Variants in RIMS2 observed in about 807,000 individuals in gnomAD.
RIMS2 encodes regulating synaptic membrane exocytosis 2, also known as regulating synaptic membrane exocytosis protein 2.
RIMS2 carries 59 observed loss-of-function variants against 174.4 expected under a neutral mutation model. The observed-to-expected ratio is 0.34, with a 90% CI of 0.27 to 0.42. The LOEUF (loss-of-function observed/expected upper bound fraction) is 0.42. RIMS2 is among the 10% of genes least tolerant of loss of function. RIMS2 has a pLI of 1.00. For missense variants in RIMS2, 1,620 were observed against 1,666.3 expected, an observed-to-expected ratio of 0.97 and a Z score of 0.48; for synonymous variants, 606 against 572.5, an observed-to-expected ratio of 1.06 and a Z score of -0.84.
intron 19 of RIMS2, among the ~76,000 whole-genome samples, chr8:104,096,289 C>G (rs967514719): frequency 6.6e-6 from 1 of 152,194 alleles, no homozygotes; most frequent in African/African-American, 2.4e-5. Flanking sequence ...AGATCCCACG[C>G]TGCCATACCT....
chr8:103,617,783 G>A (rs543696162), intron 1 of RIMS2, among the ~76,000 whole-genome samples: 1 of 152,264 alleles, frequency 6.6e-6, no homozygotes, highest in Non-Finnish European at 1.5e-5. Context: ...TTAGAGAAAT[G>A]TAAATCAAAA....
intron 16 of RIMS2, among the ~76,000 whole-genome samples, chr8:103,983,462 A>G (rs1388893238): frequency 6.6e-6 from 1 of 152,196 alleles, no homozygotes; most frequent in Non-Finnish European, 1.5e-5. Flanking sequence ...CAAAAAGAAC[A>G]AAACTGAAGG....
At chr8:104,055,748 T>C (rs2096857743) in intron 19 of RIMS2, among the ~76,000 whole-genome samples, 1 of 152,218 alleles carries the variant, frequency 6.6e-6, no homozygotes, top group African/African-American at 2.4e-5. Flanking sequence ...ATTTGCACTT[T>C]AGCCTAAAAG....
intron 19 of RIMS2, among the ~76,000 whole-genome samples, chr8:104,209,471 A>G (rs1185694005): frequency 1.3e-5 from 2 of 152,222 alleles, no homozygotes; most frequent in Non-Finnish European, 2.9e-5. Context: ...CTTTGCTCAA[A>G]TATCTCCTTC....
intron 19 of RIMS2, among the ~76,000 whole-genome samples, chr8:104,063,102 A>T (rs1226412000): frequency 6.6e-6 from 1 of 152,050 alleles, no homozygotes; most frequent in East Asian, 1.9e-4. Flanking sequence ...GATAATTTCA[A>T]CAGAAAACAT....
exon 3 of RIMS2, chr8:103,766,227 G>A: frequency 6.2e-7 from 1 of 1,608,266 alleles, no homozygotes; most frequent in African/African-American, 1.3e-5. Flanking sequence ...TCATGTGCAG[G>A]TTATGTGGGT....
intron 19 of RIMS2, among the ~76,000 whole-genome samples, chr8:104,031,259 A>C (rs1309123457): frequency 1.3e-5 from 2 of 152,140 alleles, no homozygotes; most frequent in Admixed American, 6.6e-5. Flanking sequence ...ATGTTTCAAA[A>C]TTTCTACATT....
chr8:103,503,295 AT>A (rs60820952), intron 1 of RIMS2, among the ~76,000 whole-genome samples: 9,091 of 150,974 alleles, frequency 0.06, 908 homozygotes, highest in African/African-American at 0.21. Context: ...AATGTTCTTA[AT>A]TTTTTTTTAA....
intron 4 of RIMS2, among the ~76,000 whole-genome samples, chr8:103,894,395 T>C (rs2099265466): frequency 6.6e-6 from 1 of 151,662 alleles, no homozygotes; most frequent in Non-Finnish European, 1.5e-5. Context: ...TCAAAATTTG[T>C]TTAATTGTGC....
intron 19 of RIMS2, among the ~76,000 whole-genome samples, chr8:104,153,449 A>G (rs1005308544): frequency 2.0e-5 from 3 of 152,170 alleles, no homozygotes; most frequent in African/African-American, 7.2e-5. Context: ...GTACATTAAA[A>G]TCACATGGTA....
intron 1 of RIMS2, among the ~76,000 whole-genome samples, chr8:103,668,498 A>G (rs1439603302): frequency 6.6e-6 from 1 of 152,190 alleles, no homozygotes; most frequent in Non-Finnish European, 1.5e-5. Context: ...GGTAGCAGAA[A>G]TATACCTGAA....
At chr8:103,709,310 T>C (rs1419956658) in intron 2 of RIMS2, among the ~76,000 whole-genome samples, 1 of 151,984 alleles carries the variant, frequency 6.6e-6, no homozygotes, top group African/African-American at 2.4e-5. Flanking sequence ...TGGGTTAGTT[T>C]TGATTGATTA....
chr8:103,770,744 C>G (rs1028372549), intron 3 of RIMS2, among the ~76,000 whole-genome samples: 4 of 150,698 alleles, frequency 2.7e-5, no homozygotes, highest in African/African-American at 9.8e-5. Context: ...TTTGTTCCTT[C>G]GTCTCCCACC....
At chr8:103,888,080 A>G (rs1201011721) in intron 4 of RIMS2, among the ~76,000 whole-genome samples, 1 of 151,544 alleles carries the variant, frequency 6.6e-6, no homozygotes, top group Non-Finnish European at 1.5e-5. Context: ...ACCAGATAGT[A>G]TAAAATGACA....
At chr8:104,201,183 T>C (rs2511648) in intron 19 of RIMS2, among the ~76,000 whole-genome samples, 109,498 of 151,938 alleles carry the variant, frequency 0.72, 40,277 homozygotes, top group African/African-American at 0.87. Flanking sequence ...TCTTTGTGTC[T>C]ATGTGTACTC....
intron 3 of RIMS2, among the ~76,000 whole-genome samples, chr8:103,883,554 T>A (rs1439168373): frequency 2.0e-5 from 3 of 151,880 alleles, no homozygotes; most frequent in African/African-American, 7.2e-5. Flanking sequence ...AAAAGATTTG[T>A]AATTAAGTCC....
intron 9 of RIMS2, among the ~76,000 whole-genome samples, chr8:103,920,094 C>T (rs542206464): frequency 6.6e-6 from 1 of 152,120 alleles, no homozygotes; most frequent in South Asian, 2.1e-4. Context: ...TTAAAAAGAC[C>T]CTAGACTATA....
chr8:103,927,633 A>G (rs955703910), intron 10 of RIMS2, among the ~76,000 whole-genome samples: 4 of 151,470 alleles, frequency 2.6e-5, no homozygotes, highest in Admixed American at 2.0e-4. Flanking sequence ...AAATTCTAAT[A>G]TTTTGTATAG....
chr8:103,805,567 G>A (rs1046633031), intron 3 of RIMS2, among the ~76,000 whole-genome samples: 2 of 152,100 alleles, frequency 1.3e-5, no homozygotes, highest in Admixed American at 6.6e-5. Context: ...TTCAAGGTTG[G>A]TTTGAAGGTT....
Sources: allele counts gnomAD v4.1 joint callset (sites outside exome capture counted in the v4.1 genomes callset), GRCh38; gene constraint gnomAD v4.1.1; transcripts MANE v1.5; gene names NCBI Gene and HGNC (gene_info 2026-07-23, HGNC 2026-07-21).